The following PDE3A variants were observed in gnomAD, a reference collection of about 807,000 sequenced individuals.
PDE3A encodes the protein phosphodiesterase 3A, also known as cGMP-inhibited 3',5'-cyclic phosphodiesterase 3A.
A neutral mutation model predicts 98.3 loss-of-function variants in PDE3A; 43 were observed. That is an observed-to-expected ratio of 0.44 (90% CI 0.34 to 0.56). The LOEUF is 0.56. Among genes scored for constraint, PDE3A ranks in the 20% least tolerant of loss-of-function variants. The pLI, the probability that PDE3A is intolerant of heterozygous loss-of-function variation, is 0.01. For synonymous variants in PDE3A, 663 were observed against 567.9 expected, an observed-to-expected ratio of 1.17 and a Z score of -2.38; for missense variants, 1,427 against 1,440.7, an observed-to-expected ratio of 0.99 and a Z score of 0.15.
chr12:20,510,125 C>G (rs978620238), intron 1 of PDE3A, among the ~76,000 whole-genome samples: 5 of 151,940 alleles, frequency 3.3e-5, no homozygotes, highest in Admixed American at 1.3e-4. Context: ...ATTTAGATAG[C>G]AACACATTTT....
intron 1 of PDE3A, among the ~76,000 whole-genome samples, chr12:20,467,391 T>C (rs1164331607): frequency 6.6e-6 from 1 of 152,050 alleles, no homozygotes; most frequent in Non-Finnish European, 1.5e-5. Context: ...CTTTCTATAT[T>C]CCTGCCTAGT....
chr12:20,373,160 A>G (rs1000228870), intron 1 of PDE3A, among the ~76,000 whole-genome samples: 3 of 152,120 alleles, frequency 2.0e-5, no homozygotes, highest in African/African-American at 7.2e-5. Flanking sequence ...AAAGAACTAT[A>G]AAGTTTGTTT....
At chr12:20,448,929 CA>C (rs1379900639) in intron 1 of PDE3A, among the ~76,000 whole-genome samples, 1 of 152,016 alleles carries the variant, frequency 6.6e-6, no homozygotes, top group Admixed American at 6.6e-5. Flanking sequence ...GGTCTTGTTA[CA>C]AAAGATTCAG....
intron 1 of PDE3A, among the ~76,000 whole-genome samples, chr12:20,429,249 A>G (rs553530938): frequency 2.8e-4 from 43 of 152,288 alleles, no homozygotes; most frequent in African/African-American, 1.0e-3. Flanking sequence ...GACATCTACA[A>G]TTAAGCCCAT....
At chr12:20,657,286 T>C (rs1945065504) in intron 15 of PDE3A, among the ~76,000 whole-genome samples, 2 of 152,276 alleles carry the variant, frequency 1.3e-5, no homozygotes, top group South Asian at 4.2e-4. Context: ...CATTGCAAGG[T>C]TGTAGAACCA....
intron 2 of PDE3A, among the ~76,000 whole-genome samples, chr12:20,597,382 C>A (rs1453677641): frequency 2.6e-5 from 4 of 152,118 alleles, no homozygotes; most frequent in Non-Finnish European, 4.4e-5. Context: ...ATCTATGAGA[C>A]TTATAGGGGC....
At chr12:20,595,719 T>G (rs1252533865) in intron 2 of PDE3A, among the ~76,000 whole-genome samples, 1 of 152,170 alleles carries the variant, frequency 6.6e-6, no homozygotes, top group Non-Finnish European at 1.5e-5. Flanking sequence ...GACCTTATTC[T>G]GTCTTAATTA....
intron 1 of PDE3A, among the ~76,000 whole-genome samples, chr12:20,506,406 C>G (rs542217409): frequency 3.3e-5 from 5 of 151,872 alleles, no homozygotes; most frequent in Non-Finnish European, 7.4e-5. Flanking sequence ...CATCTGTCCC[C>G]CACAAACAGA....
chr12:20,386,418 C>T (rs1454646623), intron 1 of PDE3A, among the ~76,000 whole-genome samples: 2 of 150,646 alleles, frequency 1.3e-5, no homozygotes, highest in African/African-American at 2.4e-5. Flanking sequence ...TTGTTGGCCA[C>T]ATAAATGTCT....
At chr12:20,586,505 T>C (rs1331235735) in intron 2 of PDE3A, among the ~76,000 whole-genome samples, 3 of 152,208 alleles carry the variant, frequency 2.0e-5, no homozygotes, top group Non-Finnish European at 4.4e-5. Flanking sequence ...CATAGTCATA[T>C]ATGTACTTTA....
At chr12:20,514,478 A>G (rs537439101) in intron 1 of PDE3A, among the ~76,000 whole-genome samples, 17 of 152,356 alleles carry the variant, frequency 1.1e-4, no homozygotes, top group South Asian at 2.1e-4. Flanking sequence ...AATATATGCA[A>G]TGGCAGTAAC....
At chr12:20,554,894 G>A (rs902822769) in intron 1 of PDE3A, among the ~76,000 whole-genome samples, 6 of 152,074 alleles carry the variant, frequency 3.9e-5, no homozygotes, top group Admixed American at 6.6e-5. Context: ...GCACACATAC[G>A]TATATTTATT....
chr12:20,561,240 A>G (rs557218823), intron 2 of PDE3A, among the ~76,000 whole-genome samples: 51 of 152,128 alleles, frequency 3.4e-4, no homozygotes, highest in Non-Finnish European at 6.3e-4. Context: ...CCTGGGAGAA[A>G]GAGCGAGGCT....
chr12:20,633,870 T>C (rs1944439626), intron 7 of PDE3A, 92 bp downstream of exon 7: 1 of 728,830 alleles, frequency 1.4e-6, no homozygotes, highest in South Asian at 1.9e-5. Flanking sequence ...TTCTGATATT[T>C]TGTGGGGCGC....
At chr12:20,611,090 C>T (rs7961297) in intron 2 of PDE3A, among the ~76,000 whole-genome samples, 146,957 of 151,952 alleles carry the variant, frequency 0.97, 71,267 homozygotes, top group East Asian at 1. Context: ...ATAATGTTAA[C>T]CTGTCTCACT....
chr12:20,507,731 A>G (rs1235771193), intron 1 of PDE3A, among the ~76,000 whole-genome samples: 1 of 151,876 alleles, frequency 6.6e-6, no homozygotes, highest in Non-Finnish European at 1.5e-5. Context: ...TCTCTGTTAC[A>G]CCTCACATCC....
chr12:20,401,231 C>T (rs1209203411), intron 1 of PDE3A, among the ~76,000 whole-genome samples: 1 of 152,110 alleles, frequency 6.6e-6, no homozygotes, highest in Non-Finnish European at 1.5e-5. Flanking sequence ...ACCCTCATGC[C>T]ATCTGAATAT....
chr12:20,547,589 A>G (rs529046568), intron 1 of PDE3A, among the ~76,000 whole-genome samples: 2 of 152,272 alleles, frequency 1.3e-5, no homozygotes, highest in Non-Finnish European at 2.9e-5. Flanking sequence ...TAGTGCAAAG[A>G]TAACTGTGGT....
intron 15 of PDE3A, among the ~76,000 whole-genome samples, chr12:20,677,176 G>C (rs1945662110): frequency 6.6e-6 from 1 of 152,036 alleles, no homozygotes; most frequent in African/African-American, 2.4e-5. Flanking sequence ...CTTCATTCCA[G>C]AGTTTGTCTT....
Sources: gnomAD v4.1 joint callset for allele counts (sites outside exome capture counted in the v4.1 genomes callset) on GRCh38, gnomAD v4.1.1 for gene constraint, MANE v1.5 for transcripts, NCBI Gene and HGNC (gene_info 2026-07-23, HGNC 2026-07-21) for gene names.